Variants in ZMAT3 observed in about 807,000 individuals in gnomAD.
ZMAT3 encodes the protein zinc finger matrin-type protein 3.
A neutral mutation model predicts 32.3 loss-of-function variants in ZMAT3; 17 were observed. The observed-to-expected ratio is 0.53, with a 90% CI of 0.36 to 0.79. ZMAT3 has a LOEUF of 0.79. ZMAT3 is among the 30% of genes least tolerant of loss of function. ZMAT3 has a pLI of 0.00. For missense variants in ZMAT3, 329 were observed against 359.7 expected (o/e 0.91, Z 0.69); for synonymous variants, 120 against 133.1 (o/e 0.90, Z 0.68).
At chr3:179,027,104 T>G (rs1222542386) in intron 5 of ZMAT3, among the ~76,000 whole-genome samples, 1 of 152,202 alleles carries the variant, frequency 6.6e-6, no homozygotes, top group Non-Finnish European at 1.5e-5. Flanking sequence ...GGTACAACTT[T>G]AAACCAAGTA....
chr3:179,027,404 G>A lies in ZMAT3; in HGVS notation c.658+19C>T, dbSNP rs1385712137. On this transcript the variant is annotated intron_variant, in intron 5 of 5. Transcript: ENST00000311417. ...TAGGTACAGAATGTACCCAAGGTAT[G>A]TGGAAACAGACAAGATACCTGAATT... 1.7e-5 allele frequency: 28 copies of A among 1,605,422 alleles called. No homozygotes were observed. Among genetic ancestry groups the A allele is most frequent in the Non-Finnish European group, 2.3e-5 (27 of 1,172,424 alleles).
rs564557928 is a variant in ZMAT3, at chr3:179,019,350, G to T, written c.*5667C>A. On this transcript the variant is annotated 3_prime_UTR_variant, in exon 6 of 6. Transcript: ENST00000311417. ...CCACTTTCAAAATAGATATTTAAAC[G>T]AATACTAAACCTTAATTAATGACAC... is the stretch of plus-strand genomic sequence containing the variant. 3.8e-4 allele frequency: 57 copies of T among 151,766 alleles called. No individual in the cohort carries two copies. The highest frequency in any genetic ancestry group is 1.3e-3 in the African/African-American group (54 of 41,402). The allele number at this position is 151,766 out of a possible 1,614,324, so 9.4% of individuals were successfully genotyped here. A position where few individuals can be genotyped will look rare whatever the true frequency, so the allele number is the denominator to read the frequency against.
At chr3:179,032,885 G>A (rs1176889687) in intron 2 of ZMAT3, among the ~76,000 whole-genome samples, 15 of 150,056 alleles carry the variant, frequency 1.0e-4, no homozygotes, top group East Asian at 2.0e-4. Flanking sequence ...GCCCCCGCCC[G>A]GCCGCTACAC....
Position 179,017,772 on chromosome 3 carries a change from T to C in ZMAT3, c.*7245A>G, listed in dbSNP as rs1718345317. 1.3e-5 allele frequency: 2 copies of C among 152,186 alleles called. No individual in the cohort carries two copies. The allele number at this position is 152,186 out of a possible 1,614,324, so 9.4% of individuals were successfully genotyped here. A position where few individuals can be genotyped will look rare whatever the true frequency, so the allele number is the denominator to read the frequency against. ...ACAATAACTGCATTAAAATGCAACC[T>C]TAATGGTGAAAGCAAAATCGGTTTT... On this transcript the variant is annotated 3_prime_UTR_variant, in exon 6 of 6. Coordinates refer to ENST00000311417, the MANE Select transcript of ZMAT3 (RefSeq NM_022470.4).
intron 2 of ZMAT3, among the ~76,000 whole-genome samples, chr3:179,057,391 T>C (rs1379673452): frequency 1.3e-5 from 2 of 152,200 alleles, no homozygotes; most frequent in Non-Finnish European, 2.9e-5. Context: ...CAATTCTTGT[T>C]TGCTTTTGAA....
At chr3:179,036,434 C>T (rs140244680) in intron 2 of ZMAT3, among the ~76,000 whole-genome samples, 12 of 152,214 alleles carry the variant, frequency 7.9e-5, no homozygotes, top group Non-Finnish European at 1.6e-4. Context: ...CAAAAACTAT[C>T]ACCTAGACAG....
At position 179,022,230 on chromosome 3, in the gene ZMAT3, G is replaced by A. The variant is rs566364454; in HGVS notation, c.*2787C>T. The A allele has an allele frequency of 3.3e-5, 5 of 152,100 alleles. No homozygotes were observed. Among genetic ancestry groups the A allele is most frequent in the Admixed American group, 2.0e-4 (3 of 15,256 alleles). The allele number at this position is 152,100 out of a possible 1,614,324, so 9.4% of individuals were successfully genotyped here. On this transcript the variant is annotated 3_prime_UTR_variant, in exon 6 of 6. Coordinates refer to ENST00000311417, the MANE Select transcript of ZMAT3 (RefSeq NM_022470.4). ...TGAAAAAACATCAAGCCCTTAAGTC[G>A]GCTGCTTTTTCTACGTATATAATGA... is the stretch of plus-strand genomic sequence containing the variant.
intron 3 of ZMAT3, among the ~76,000 whole-genome samples, chr3:179,029,158 T>A (rs1450659085): frequency 1.3e-4 from 18 of 137,788 alleles, no homozygotes; most frequent in Admixed American, 9.6e-4. Flanking sequence ...AAACTCCATC[T>A]CAAAAAAAAA....
intron 2 of ZMAT3, among the ~76,000 whole-genome samples, chr3:179,034,235 G>C (rs1337418391): frequency 2.6e-5 from 4 of 152,152 alleles, no homozygotes; most frequent in Non-Finnish European, 4.4e-5. Flanking sequence ...TACCTAAGCA[G>C]CTAAATAGAG....
rs1029207416 is a variant in ZMAT3 at position 179,060,041 on chromosome 3, C to T, written c.270+7442G>A. ...AGAGCACAGTGGGAGGGACAATGATCGGGATATAAACCCAGGCATTCGAGC... is the reference window on the plus strand; with the variant it reads ...AGAGCACAGTGGGAGGGACAATGATTGGGATATAAACCCAGGCATTCGAGC... On this transcript the variant is annotated intron_variant, in intron 2 of 5. Coordinates refer to ENST00000311417, the MANE Select transcript of ZMAT3 (RefSeq NM_022470.4). Among the ~76,000 whole-genome samples the T allele has an allele frequency of 5.3e-5, 8 of 152,170 alleles. No homozygotes were observed. In the East Asian group the frequency reaches 1.4e-3, roughly 26 times the overall value.
At chr3:179,026,876 C>T (rs760220781) in intron 5 of ZMAT3, among the ~76,000 whole-genome samples, 17 of 152,162 alleles carry the variant, frequency 1.1e-4, no homozygotes, top group Non-Finnish European at 2.1e-4. Flanking sequence ...TCAGAAAATG[C>T]AGAATTTATT....
At chr3:179,043,128 C>T (rs1019573910) in intron 2 of ZMAT3, among the ~76,000 whole-genome samples, 4 of 152,250 alleles carry the variant, frequency 2.6e-5, no homozygotes, top group African/African-American at 4.8e-5. Context: ...GAATCAATAT[C>T]GTGAAAATAG....
At chr3:179,035,855 C>G (rs1237694938) in intron 2 of ZMAT3, among the ~76,000 whole-genome samples, 1 of 152,178 alleles carries the variant, frequency 6.6e-6, no homozygotes, top group African/African-American at 2.4e-5. Context: ...GAAAAGGGGG[C>G]AACTGACTCA....
rs750676731 is a variant in ZMAT3 at position 179,027,780 on chromosome 3, G to C, written c.423C>G (p.Ile141Met). 2 of 1,613,476 alleles carry C rather than the reference G, an allele frequency of 1.2e-6. No individual in the cohort carries two copies. The highest frequency in any genetic ancestry group is 4.5e-5 in the East Asian group (2 of 44,872). ...TACAGTAATCATTCTCCGTGGCCAG[G>C]ATCACTCGGCCTCCTGGCTTAAAGG... ...MGSFKPGGRV[I>M]LATENDYCKL... is the part of the protein sequence containing the mutation. Residue 141 changes from isoleucine (I) to methionine (M), a missense_variant, in exon 4 of 6, where the codon ATC (isoleucine) becomes ATG (methionine). Coordinates refer to ENST00000311417, the MANE Select transcript of ZMAT3 (RefSeq NM_022470.4).
At chr3:179,027,853 TAC>T (rs1264279725) in intron 3 of ZMAT3, 41 bp from the exon 4 acceptor site, 3 of 1,564,818 alleles carry the variant, frequency 1.9e-6, no homozygotes, top group Non-Finnish European at 2.6e-6. Context: ...TTAAAAAAAA[TAC>T]AGAGTTTCCT....
intron 2 of ZMAT3, among the ~76,000 whole-genome samples, chr3:179,065,351 A>T (rs1721354342): frequency 6.6e-6 from 1 of 152,240 alleles, no homozygotes; most frequent in South Asian, 2.1e-4. Flanking sequence ...ACTGAAATTA[A>T]GTATAATTAC....
chr3:179,040,350 C>G (rs936737485), intron 2 of ZMAT3, among the ~76,000 whole-genome samples: 8 of 152,292 alleles, frequency 5.3e-5, no homozygotes, highest in African/African-American at 1.9e-4. Flanking sequence ...GAGTTACCCA[C>G]AAAGGGAAAC....
intron 3 of ZMAT3, among the ~76,000 whole-genome samples, chr3:179,028,139 G>A (rs903979464): frequency 2.6e-5 from 4 of 152,216 alleles, no homozygotes; most frequent in South Asian, 2.1e-4. Flanking sequence ...ATCACATTAC[G>A]GGAAACAGTA....
chr3:179,024,373 GC>G lies in ZMAT3; in HGVS notation c.*643del, dbSNP rs1165497021. 6.6e-6 allele frequency: 1 copy of G among 152,374 alleles called. No homozygotes were observed. 9.4% of individuals were successfully genotyped at this position (152,374 alleles called of 1,614,324 possible). On this transcript the variant is annotated 3_prime_UTR_variant, in exon 6 of 6. Transcript: ENST00000311417. ...GCATTGAGGTGGCGGTTCTGGTTAA[GC>G]CCTGGGAAACTGAAATCTCTGCTGA...
Sources: allele counts gnomAD v4.1 joint callset (sites outside exome capture counted in the v4.1 genomes callset), GRCh38; gene constraint gnomAD v4.1.1; transcripts MANE v1.5; gene names NCBI Gene and HGNC (gene_info 2026-07-23, HGNC 2026-07-21).